Variants in EPHA7 observed in about 807,000 individuals in gnomAD.
EPHA7 encodes the protein ephrin type-A receptor 7.
In EPHA7, 25 loss-of-function variants were observed where a neutral mutation model predicts 112.6. The observed-to-expected ratio is 0.22, with a 90% confidence interval of 0.16 to 0.31. EPHA7 has a LOEUF of 0.31. Ranked by LOEUF, EPHA7 falls within the 10% of genes least tolerant of loss-of-function variation. EPHA7 has a pLI of 1.00. For missense variants in EPHA7, 962 were observed against 1,212.6 expected, an observed-to-expected ratio of 0.79 and a Z score of 3.07; for synonymous variants, 437 against 406.5, an observed-to-expected ratio of 1.07 and a Z score of -0.90.
intron 3 of EPHA7, among the ~76,000 whole-genome samples, chr6:93,365,967 TTTCTA>T (rs1776487629): frequency 6.6e-6 from 1 of 152,170 alleles, no homozygotes; most frequent in African/African-American, 2.4e-5. Flanking sequence ...AAAAGTTTCG[TTTCTA>T]AAGTTTAGAA....
chr6:93,252,370 T>A (rs148404940), intron 14 of EPHA7, among the ~76,000 whole-genome samples: 179 of 152,056 alleles, frequency 1.2e-3, no homozygotes, highest in African/African-American at 4.0e-3. Context: ...ACTTGATAAA[T>A]CCATCTAGGC....
intron 5 of EPHA7, among the ~76,000 whole-genome samples, chr6:93,309,916 TAAAG>T (rs970089665): frequency 2.0e-5 from 3 of 152,130 alleles, no homozygotes; most frequent in Non-Finnish European, 2.9e-5. Context: ...AAATGGCAAA[TAAAG>T]AAAGTGAGAT....
chr6:93,249,859 T>C (rs944730789), intron 14 of EPHA7, among the ~76,000 whole-genome samples: 2 of 152,312 alleles, frequency 1.3e-5, no homozygotes, highest in Admixed American at 6.5e-5. Context: ...ATTGATTCTT[T>C]AGCTTTCAAC....
intron 3 of EPHA7, among the ~76,000 whole-genome samples, chr6:93,391,799 C>A (rs1777921162): frequency 6.6e-6 from 1 of 151,704 alleles, no homozygotes; most frequent in South Asian, 2.1e-4. Flanking sequence ...AAATACTCCA[C>A]TTTCTAACCT....
chr6:93,388,624 A>G (rs960532265), intron 3 of EPHA7, among the ~76,000 whole-genome samples: 3 of 152,280 alleles, frequency 2.0e-5, no homozygotes, highest in Non-Finnish European at 4.4e-5. Context: ...CTCTCTGACC[A>G]GCACGACTGT....
chr6:93,362,254 TTC>T (rs1389796724), intron 3 of EPHA7, among the ~76,000 whole-genome samples: 1 of 152,034 alleles, frequency 6.6e-6, no homozygotes, highest in African/African-American at 2.4e-5. Context: ...TACATGAAAC[TTC>T]TATATACCAG....
At chr6:93,407,689 G>A (rs1393670028) in intron 3 of EPHA7, among the ~76,000 whole-genome samples, 1 of 151,864 alleles carries the variant, frequency 6.6e-6, no homozygotes, top group Non-Finnish European at 1.5e-5. Flanking sequence ...CTAATTTCAA[G>A]TATTCAAAAG....
intron 5 of EPHA7, among the ~76,000 whole-genome samples, chr6:93,326,965 G>A (rs966286543): frequency 6.6e-6 from 1 of 151,552 alleles, no homozygotes; most frequent in Admixed American, 6.6e-5. Context: ...TTACATGATT[G>A]TGAGTTACCT....
At chr6:93,336,549 CGT>C (rs1774882204) in intron 5 of EPHA7, among the ~76,000 whole-genome samples, 2 of 152,078 alleles carry the variant, frequency 1.3e-5, no homozygotes, top group Non-Finnish European at 2.9e-5. Context: ...ACTACAGGCA[CGT>C]GCCACCACGC....
rs374602259 is a variant in EPHA7, at chr6:93,413,129, G to C, written c.162+1574C>G. 7.9e-5 allele frequency among the ~76,000 whole-genome samples: 12 copies of C among 151,914 alleles called. No individual in the cohort carries two copies. The East Asian group carries it at 1.2e-3, about 15-fold the overall frequency. On this transcript the variant is annotated intron_variant, in intron 2 of 16. Coordinates refer to ENST00000369303, the MANE Select transcript of EPHA7 (RefSeq NM_004440.4). ...TTCATTCAGACACTGCATTTTTATA[G>C]TACGTTTATAGAAATATTTTCTCAA...
At chr6:93,276,978 C>G (rs1171965807) in intron 5 of EPHA7, among the ~76,000 whole-genome samples, 4 of 152,064 alleles carry the variant, frequency 2.6e-5, no homozygotes, top group Middle Eastern at 3.4e-3. Flanking sequence ...GATCTTTCAG[C>G]AAATATATCA....
intron 5 of EPHA7, among the ~76,000 whole-genome samples, chr6:93,297,758 C>T (rs1772748500): frequency 6.6e-6 from 1 of 152,048 alleles, no homozygotes; most frequent in South Asian, 2.1e-4. Flanking sequence ...AATTGAGGTC[C>T]ATATACACTA....
intron 3 of EPHA7, among the ~76,000 whole-genome samples, chr6:93,398,411 T>C (rs544167409): frequency 6.6e-6 from 1 of 152,120 alleles, no homozygotes; most frequent in East Asian, 1.9e-4. Flanking sequence ...TTTATTTTCT[T>C]AGCTCTATAA....
intron 5 of EPHA7, among the ~76,000 whole-genome samples, chr6:93,314,477 T>G (rs1773697490): frequency 6.6e-6 from 1 of 152,174 alleles, no homozygotes; most frequent in African/African-American, 2.4e-5. Context: ...CCTCCATATC[T>G]GTTTTAACTT....
chr6:93,347,392 C>T (rs1006084350), intron 5 of EPHA7, among the ~76,000 whole-genome samples: 1 of 151,712 alleles, frequency 6.6e-6, no homozygotes, highest in African/African-American at 2.4e-5. Flanking sequence ...TCATTTTCTG[C>T]TACTTACAAA....
At chr6:93,298,892 T>G (rs1582473563) in intron 5 of EPHA7, among the ~76,000 whole-genome samples, 1 of 152,274 alleles carries the variant, frequency 6.6e-6, no homozygotes, top group Non-Finnish European at 1.5e-5. Flanking sequence ...TTGGATCTTC[T>G]CTCTTTTCTG....
At chr6:93,329,907 C>T (rs190682065) in intron 5 of EPHA7, among the ~76,000 whole-genome samples, 13 of 150,908 alleles carry the variant, frequency 8.6e-5, no homozygotes, top group African/African-American at 2.9e-4. Context: ...AGATACTGAA[C>T]AAGAATACTA....
intron 14 of EPHA7, among the ~76,000 whole-genome samples, chr6:93,249,737 T>C (rs957101573): frequency 6.6e-6 from 1 of 152,128 alleles, no homozygotes; most frequent in African/African-American, 2.4e-5. Context: ...GATCTTTCCT[T>C]TTTTCTTTCC....
intron 5 of EPHA7, among the ~76,000 whole-genome samples, chr6:93,310,246 G>A (rs1261697927): frequency 1.3e-5 from 2 of 152,102 alleles, no homozygotes; most frequent in Admixed American, 6.5e-5. Context: ...CCCCCAACAA[G>A]TGATTTTTCA....
Sources: gnomAD v4.1 joint callset for allele counts (sites outside exome capture counted in the v4.1 genomes callset) on GRCh38, gnomAD v4.1.1 for gene constraint, MANE v1.5 for transcripts, NCBI Gene and HGNC (gene_info 2026-07-23, HGNC 2026-07-21) for gene names.